GRAMD2B: variants seen among roughly 807,000 people sequenced by gnomAD.
The protein encoded by GRAMD2B is GRAM domain-containing protein 2B.
In GRAMD2B, 41 loss-of-function variants were observed where a neutral mutation model predicts 59.2. The ratio of observed to expected loss-of-function variants is 0.69; its 90% CI spans 0.54 to 0.90. GRAMD2B has a LOEUF of 0.90. Among genes scored for constraint, GRAMD2B ranks in the 40% least tolerant of loss-of-function variants. The probability of loss-of-function intolerance (pLI) is 0.00; values close to 1 mark genes in which losing one functional copy is unlikely to be tolerated. For missense variants in GRAMD2B, 424 were observed against 500.5 expected, an observed-to-expected ratio of 0.85 and a Z score of 1.46; for synonymous variants, 161 against 182.7, an observed-to-expected ratio of 0.88 and a Z score of 0.96.
At position 126,423,527 on chromosome 5, in the gene GRAMD2B, A is replaced by C. The variant is rs1760001952; in HGVS notation, c.-80A>C. 4 of 1,558,332 alleles carry C rather than the reference A, an allele frequency of 2.6e-6. No homozygotes were observed. Among genetic ancestry groups the C allele is most frequent in the Non-Finnish European group, 3.5e-6 (4 of 1,153,610 alleles). On this transcript the variant is annotated 5_prime_UTR_variant, in exon 1 of 14. Transcript: ENST00000285689. ...ACGGCGCCGCTTGCTTGGCCTGCGC[A>C]CCCGGACCTAGAAGCCGGGACGAGC...
At chr5:126,371,079 A>G (rs553735483), upstream of GRAMD2B, among the ~76,000 whole-genome samples, 10 of 152,188 alleles carry the variant, frequency 6.6e-5, no homozygotes, top group African/African-American at 2.2e-4. Context: ...TAATGTTTAG[A>G]TGCTGCCAGT....
chr5:126,393,253 A>G (rs1757006640), intron 1 of GRAMD2B, among the ~76,000 whole-genome samples: 1 of 152,194 alleles, frequency 6.6e-6, no homozygotes, highest in Non-Finnish European at 1.5e-5. Flanking sequence ...AAATCACTGT[A>G]AAAATTGTTT....
intron 13 of GRAMD2B, among the ~76,000 whole-genome samples, chr5:126,489,792 G>A (rs987651017): frequency 2.7e-5 from 2 of 73,514 alleles, no homozygotes; most frequent in South Asian, 6.0e-4. Context: ...CTTCAGGAAA[G>A]GCTTAGAGAG....
chr5:126,480,784 A>G, intron 8 of GRAMD2B, 77 bp downstream of exon 8: 6 of 1,322,368 alleles, frequency 4.5e-6, no homozygotes, highest in Non-Finnish European at 6.5e-6. Context: ...TTACACCATG[A>G]CCAGGGTGTG....
chr5:126,373,593 G>A (rs1754940711), intron 1 of GRAMD2B, among the ~76,000 whole-genome samples: 1 of 152,192 alleles, frequency 6.6e-6, no homozygotes, highest in Non-Finnish European at 1.5e-5. Flanking sequence ...CTCTCATGGA[G>A]ATTTAGTTTA....
intron 12 of GRAMD2B, 53 bp from the exon 13 acceptor site, chr5:126,488,746 A>G (rs1437131160): frequency 8.0e-7 from 1 of 1,253,906 alleles, no homozygotes; most frequent in African/African-American, 1.5e-5. Context: ...TGTTCATTCC[A>G]CTTCTTTCCT....
At chr5:126,380,298 T>TG (rs1755555302) in intron 1 of GRAMD2B, among the ~76,000 whole-genome samples, 1 of 152,210 alleles carries the variant, frequency 6.6e-6, no homozygotes, top group Non-Finnish European at 1.5e-5. Flanking sequence ...CATGCTGTTT[T>TG]GGTGACTATG....
rs1201932979 is a variant in GRAMD2B, at chr5:126,469,095, T to C, written c.204-582T>C. Reference sequence around the variant, plus strand: ...TCAAGTACTCCTTTTTAAATACTGATTAAAATAGTTTCGTTTTAAAATGAT... The same window carrying C: ...TCAAGTACTCCTTTTTAAATACTGACTAAAATAGTTTCGTTTTAAAATGAT... On this transcript the variant is annotated intron_variant, in intron 2 of 13. Coordinates refer to ENST00000285689, the MANE Select transcript of GRAMD2B (RefSeq NM_023927.4). Among the ~76,000 whole-genome samples the C allele has an allele frequency of 2.6e-5, 4 of 152,214 alleles. No homozygotes were observed. In the East Asian group the frequency reaches 5.8e-4, roughly 22 times the overall value.
chr5:126,367,435 AGG>A (rs1739847989), upstream of GRAMD2B, among the ~76,000 whole-genome samples: 3 of 39,638 alleles, frequency 7.6e-5, no homozygotes, highest in African/African-American at 3.4e-4. Flanking sequence ...TAAAAACTGG[AGG>A]AGGAGGAGGA....
At chr5:126,415,933 C>T (rs1759232179) in intron 1 of GRAMD2B, among the ~76,000 whole-genome samples, 1 of 152,174 alleles carries the variant, frequency 6.6e-6, no homozygotes, top group African/African-American at 2.4e-5. Context: ...ATATTAACTA[C>T]TTCAAAATGA....
chr5:126,380,154 T>C (rs1350169754), intron 1 of GRAMD2B, among the ~76,000 whole-genome samples: 1 of 152,206 alleles, frequency 6.6e-6, no homozygotes, highest in Non-Finnish European at 1.5e-5. Context: ...GCATCATTTG[T>C]TGAGTAGGGT....
At position 126,480,549 on chromosome 5, in the gene GRAMD2B, C is replaced by T. The variant is rs73338048; in HGVS notation, c.654+22C>T. 4.5e-4 allele frequency: 722 copies of T among 1,607,614 alleles called. 5 individuals are homozygous for T. The African/African-American group carries it at 8.5e-3, about 19-fold the overall frequency. ...AGAAGTGAGTATGATGTCCCTGAGC[C>T]TCAATTACTGTCTCTCTTCTGTATT... On this transcript the variant is annotated intron_variant, in intron 7 of 13. Coordinates refer to ENST00000285689, the MANE Select transcript of GRAMD2B (RefSeq NM_023927.4).
At chr5:126,380,289 A>G (rs1755554556) in intron 1 of GRAMD2B, among the ~76,000 whole-genome samples, 1 of 152,150 alleles carries the variant, frequency 6.6e-6, no homozygotes, top group Admixed American at 6.5e-5. Flanking sequence ...TACCAGTACC[A>G]TGCTGTTTTG....
intron 1 of GRAMD2B, chr5:126,465,002 G>A: frequency 1.0e-6 from 1 of 960,720 alleles, no homozygotes; most frequent in Non-Finnish European, 1.2e-6. Flanking sequence ...AGTGACATAA[G>A]AGAAATGCAA....
chr5:126,393,163 A>G (rs2149724342), intron 1 of GRAMD2B, among the ~76,000 whole-genome samples: 1 of 152,066 alleles, frequency 6.6e-6, no homozygotes, highest in Non-Finnish European at 1.5e-5. Context: ...GCTTTCACCC[A>G]TCAGCTTCAT....
intron 1 of GRAMD2B, among the ~76,000 whole-genome samples, chr5:126,437,696 A>T (rs77846282): frequency 0.029 from 4,428 of 152,356 alleles, 86 homozygotes; most frequent in African/African-American, 0.039. Flanking sequence ...AGAGGAACAG[A>T]ATCATGAAAA....
intron 1 of GRAMD2B, among the ~76,000 whole-genome samples, chr5:126,384,749 C>T (rs977390674): frequency 3.3e-5 from 5 of 152,244 alleles, no homozygotes; most frequent in Non-Finnish European, 7.3e-5. Flanking sequence ...AGGGCCTTTG[C>T]CCCTTCTTTG....
intron 1 of GRAMD2B, among the ~76,000 whole-genome samples, chr5:126,376,525 C>G (rs1390601926): frequency 6.6e-6 from 1 of 152,164 alleles, no homozygotes; most frequent in African/African-American, 2.4e-5. Flanking sequence ...TTTTCTTAGC[C>G]AACCCCACTT....
intron 1 of GRAMD2B, among the ~76,000 whole-genome samples, chr5:126,386,385 G>A (rs1381218109): frequency 6.6e-6 from 1 of 152,218 alleles, no homozygotes; most frequent in Non-Finnish European, 1.5e-5. Context: ...ATAAGGGTTA[G>A]ATGAGTTGTC....
Sources: gnomAD v4.1 joint callset for allele counts (sites outside exome capture counted in the v4.1 genomes callset) on GRCh38, gnomAD v4.1.1 for gene constraint, MANE v1.5 for transcripts, NCBI Gene and HGNC (gene_info 2026-07-23, HGNC 2026-07-21) for gene names.